CSMD2: variants seen among roughly 807,000 people sequenced by gnomAD.
CSMD2 encodes the protein CUB and sushi domain-containing protein 2.
A neutral mutation model predicts 398.5 loss-of-function variants in CSMD2; 130 were observed. The observed-to-expected ratio is 0.33, with a 90% CI of 0.28 to 0.38. CSMD2 has a LOEUF of 0.38. Ranked by LOEUF, CSMD2 falls within the 10% of genes least tolerant of loss-of-function variation. CSMD2 has a pLI of 1.00. For synonymous variants in CSMD2, 1,828 were observed against 1,908.5 expected (o/e 0.96, Z 1.10); for missense variants, 3,829 against 4,764.9 (o/e 0.80, Z 5.78).
At chr1:33,909,376 G>A (rs1000184534) in intron 5 of CSMD2, among the ~76,000 whole-genome samples, 7 of 152,144 alleles carry the variant, frequency 4.6e-5, no homozygotes, top group African/African-American at 1.7e-4. Context: ...AGAGAGGTCA[G>A]ATTTAGAATA....
chr1:33,890,236 T>C (rs1164880456), intron 5 of CSMD2, among the ~76,000 whole-genome samples: 18 of 146,954 alleles, frequency 1.2e-4, no homozygotes, highest in Non-Finnish European at 2.3e-4. Flanking sequence ...TTCTTTCTTT[T>C]TTTTTTTTTT....
intron 1 of CSMD2, among the ~76,000 whole-genome samples, chr1:34,144,298 G>A (rs1251021532): frequency 6.6e-6 from 1 of 152,166 alleles, no homozygotes; most frequent in Non-Finnish European, 1.5e-5. Flanking sequence ...TCCTACTCTT[G>A]TCTCCACAGA....
chr1:34,135,616 CAAAAAAAAAAAAAAAA>C (rs55936483), intron 1 of CSMD2, among the ~76,000 whole-genome samples: 1 of 82,618 alleles, frequency 1.2e-5, no homozygotes, highest in East Asian at 3.6e-4. Context: ...GACTCCATCT[CAAAAAAAAAAAAAAAA>C]AAAAAAAAAA....
chr1:33,719,692 T>C (rs1199174365), intron 19 of CSMD2, among the ~76,000 whole-genome samples: 1 of 152,184 alleles, frequency 6.6e-6, no homozygotes, highest in Non-Finnish European at 1.5e-5. Context: ...CAAAAGCCCA[T>C]TTACCTGCTC....
intron 5 of CSMD2, among the ~76,000 whole-genome samples, chr1:33,877,707 T>C (rs1640936524): frequency 6.6e-6 from 1 of 152,184 alleles, no homozygotes; most frequent in Non-Finnish European, 1.5e-5. Flanking sequence ...TGTATTATTT[T>C]GTGTAGCTCA....
At chr1:33,929,455 T>TTTTTTTTTC (rs1491104136) in intron 4 of CSMD2, among the ~76,000 whole-genome samples, 1 of 138,778 alleles carries the variant, frequency 7.2e-6, no homozygotes, top group African/African-American at 2.7e-5. Context: ...TTTTTTTTTT[T>TTTTTTTTTC]GAGATAGAGT....
intron 3 of CSMD2, among the ~76,000 whole-genome samples, chr1:33,947,976 C>G (rs1238841687): frequency 5.9e-5 from 9 of 152,168 alleles, no homozygotes; most frequent in Admixed American, 4.6e-4. Context: ...ACCTAGTCAG[C>G]CTGACTTTGG....
chr1:33,955,078 G>A (rs1214791611), intron 3 of CSMD2, among the ~76,000 whole-genome samples: 1 of 152,188 alleles, frequency 6.6e-6, no homozygotes, highest in Non-Finnish European at 1.5e-5. Flanking sequence ...TCCCAAGGAG[G>A]AAGAGAGGAC....
At chr1:33,993,037 G>C (rs1385645021) in intron 3 of CSMD2, among the ~76,000 whole-genome samples, 1 of 152,120 alleles carries the variant, frequency 6.6e-6, no homozygotes, top group Non-Finnish European at 1.5e-5. Context: ...ATGTAAAAAA[G>C]TATGACTGTG....
At chr1:33,975,670 G>T (rs999396548) in intron 3 of CSMD2, among the ~76,000 whole-genome samples, 12 of 152,098 alleles carry the variant, frequency 7.9e-5, no homozygotes, top group Non-Finnish European at 1.2e-4. Flanking sequence ...GAACCACCAG[G>T]GGGGAGGGGA....
intron 5 of CSMD2, chr1:33,878,126 C>A (rs896779961): frequency 3.6e-4 from 55 of 152,226 alleles, no homozygotes; most frequent in African/African-American, 1.3e-3. Context: ...CTTTTCAGCA[C>A]TTTCTGCCCA....
intron 29 of CSMD2, among the ~76,000 whole-genome samples, chr1:33,643,315 C>A (rs1643218318): frequency 6.6e-6 from 1 of 152,182 alleles, no homozygotes; most frequent in African/African-American, 2.4e-5. Flanking sequence ...TATAAATATC[C>A]CACACTTATT....
intron 5 of CSMD2, among the ~76,000 whole-genome samples, chr1:33,890,556 T>G (rs1433616383): frequency 6.6e-6 from 1 of 152,122 alleles, no homozygotes; most frequent in Non-Finnish European, 1.5e-5. Context: ...AATTTTTTTT[T>G]GTGGGCTCTT....
chr1:33,988,716 G>GA lies in CSMD2; in HGVS notation c.517+43877dup, dbSNP rs140280342. Among the ~76,000 whole-genome samples the GA allele has an allele frequency of 2.9e-3, 430 of 148,112 alleles. 2 individuals carry two copies. The highest frequency in any genetic ancestry group is 4.2e-3 in the Non-Finnish European group (282 of 66,830). Reference sequence around the variant, plus strand: ...GAAACTCAACAAATACTTGTTGATGGAAAAAAAAAATACTAAGACAAGGAG... The same window carrying GA: ...GAAACTCAACAAATACTTGTTGATGGAAAAAAAAAAATACTAAGACAAGGAG... On this transcript the variant is annotated intron_variant, in intron 3 of 70. Coordinates refer to ENST00000373381, the MANE Select transcript of CSMD2 (RefSeq NM_001281956.2).
rs1658314591 is a variant in CSMD2, at chr1:33,559,109, G to T, written c.8554+191C>A. ...GTTTTGCTTTCCTTATATAACCCAT[G>T]ATGATGAAATTTTATGTGGCTCTTT... is the stretch of plus-strand genomic sequence containing the variant. On this transcript the variant is annotated intron_variant, in intron 54 of 70. Transcript: ENST00000373381. The surrounding 1 kb of genome is among the most constrained non-coding windows in gnomAD (Gnocchi z 4.0). 6.6e-6 allele frequency among the ~76,000 whole-genome samples: 1 copy of T among 152,200 alleles called. No homozygotes were observed.
chr1:33,749,323 T>C (rs1281096422), intron 13 of CSMD2, among the ~76,000 whole-genome samples: 1 of 151,894 alleles, frequency 6.6e-6, no homozygotes, highest in Non-Finnish European at 1.5e-5. Flanking sequence ...ATGGTCTCGA[T>C]CTCCTGACCT....
At chr1:33,521,984 A>G (rs75764971) in intron 67 of CSMD2, among the ~76,000 whole-genome samples, 2,540 of 152,292 alleles carry the variant, frequency 0.017, 63 homozygotes, top group African/African-American at 0.058. Flanking sequence ...TATGGAACAC[A>G]CAGAACCATG....
chr1:33,550,223 C>T lies in CSMD2; in HGVS notation c.8871G>A (p.Met2957Ile). ...CAGTCCAGTGTCCATCCAGCCCACACATGCGGGTGCTGTTTCCCACCAGAG... is the reference window on the plus strand; with the variant it reads ...CAGTCCAGTGTCCATCCAGCCCACATATGCGGGTGCTGTTTCCCACCAGAG... ...KRTLVGNSTRMCGLDGHWTGS... is the reference protein window; with the variant it reads ...KRTLVGNSTRICGLDGHWTGS... Residue 2957 changes from methionine (M) to isoleucine (I), a missense_variant, in exon 56 of 71, where the codon ATG (methionine) becomes ATA (isoleucine). Around this residue, in one of 5 missense-constraint regions of CSMD2, gnomAD observed 917 missense variants for 1,199.5 expected, o/e 0.76. Coordinates refer to ENST00000373381, the MANE Select transcript of CSMD2 (RefSeq NM_001281956.2). 1.2e-6 allele frequency: 2 copies of T among 1,614,216 alleles called. No individual in the cohort carries two copies. The highest frequency in any genetic ancestry group is 1.7e-6 in the Non-Finnish European group (2 of 1,180,040).
chr1:33,699,066 TG>T (rs1645520259), intron 23 of CSMD2, 122 bp from the exon 24 acceptor site: 1 of 714,914 alleles, frequency 1.4e-6, no homozygotes, highest in Non-Finnish European at 2.3e-6. Flanking sequence ...TGGGTTCTGA[TG>T]GATTCACCAG....
Sources: allele counts gnomAD v4.1 joint callset (sites outside exome capture counted in the v4.1 genomes callset), GRCh38; gene constraint gnomAD v4.1.1; regional missense constraint gnomAD v4.1.1; non-coding constraint Gnocchi (gnomAD v3.1); transcripts MANE v1.5; gene names NCBI Gene and HGNC (gene_info 2026-07-23, HGNC 2026-07-21).